ZNF207: variants seen among roughly 807,000 people sequenced by gnomAD.
ZNF207 encodes the protein BUB3-interacting and GLEBS motif-containing protein ZNF207.
ZNF207 carries 24 observed loss-of-function variants against 60.2 expected under a neutral mutation model. The ratio of observed to expected loss-of-function variants is 0.40; its 90% confidence interval spans 0.29 to 0.56. The LOEUF (loss-of-function observed/expected upper bound fraction) is 0.56. Among genes scored for constraint, ZNF207 ranks in the 20% least tolerant of loss-of-function variants. The pLI is 0.49. For missense variants in ZNF207, 452 were observed against 636.6 expected, an observed-to-expected ratio of 0.71 and a Z score of 3.12; for synonymous variants, 236 against 194.7, an observed-to-expected ratio of 1.21 and a Z score of -1.77.
At position 32,360,729 on chromosome 17, in the gene ZNF207, C is replaced by G; in HGVS notation, c.439C>G (p.Leu147Val). Reference sequence around the variant, plus strand: ...TATTCCTCCAATGGCACAGCCAGGACTGCCACCAGTACCAGGAGCACCAGG... The same window carrying G: ...TATTCCTCCAATGGCACAGCCAGGAGTGCCACCAGTACCAGGAGCACCAGG... ...GYIPPMAQPG[L>V]PPVPGAPGMP... The change falls in exon 4 of 12, where the codon CTG becomes GTG. Residue 147 changes from leucine (L) to valine (V), a missense_variant. By Grantham distance (32) the Leu-to-Val change is conservative (BLOSUM62 1). Coordinates refer to ENST00000394670, the MANE Select transcript of ZNF207 (RefSeq NM_001098507.2). The G allele has an allele frequency of 6.2e-7, 1 of 1,614,122 alleles. No homozygotes were observed. The highest frequency in any genetic ancestry group is 1.1e-5 in the South Asian group (1 of 91,052).
chr17:32,360,769 G>A lies in ZNF207; in HGVS notation c.475+4G>A, dbSNP rs746444906. 1.2e-6 allele frequency: 2 copies of A among 1,613,754 alleles called. No individual in the cohort carries two copies. The highest frequency in any genetic ancestry group is 1.7e-6 in the Non-Finnish European group (2 of 1,179,772). Reference sequence around the variant, plus strand: ...GGAGCACCAGGAATGCCTCCAGGTAGCACATAGGATTGCTTAAAATCTAAC... The same window carrying A: ...GGAGCACCAGGAATGCCTCCAGGTAACACATAGGATTGCTTAAAATCTAAC... On this transcript the variant is annotated splice_donor_region_variant and intron_variant, in intron 4 of 11. Coordinates refer to ENST00000394670, the MANE Select transcript of ZNF207 (RefSeq NM_001098507.2).
intron 2 of ZNF207, among the ~76,000 whole-genome samples, chr17:32,356,996 A>G (rs563763856): frequency 6.6e-6 from 1 of 152,172 alleles, no homozygotes; most frequent in Non-Finnish European, 1.5e-5. Context: ...AGCCTGGGGA[A>G]CATAACAAAA....
rs768897220 is a variant in ZNF207, at chr17:32,360,886, T to C, written c.476-6T>C. ...TTATTATTTTGATTGAAATTCTTGCTTGTAGGCATACCTCCATTAATGCCA... is the reference window on the plus strand; with the variant it reads ...TTATTATTTTGATTGAAATTCTTGCCTGTAGGCATACCTCCATTAATGCCA... On this transcript the variant is annotated splice_polypyrimidine_tract_variant and splice_region_variant and intron_variant, in intron 4 of 11. Transcript: ENST00000394670. The C allele has an allele frequency of 4.2e-5, 67 of 1,614,040 alleles. 2 individuals carry two copies. The South Asian group carries it at 4.9e-4, about 12-fold the overall frequency.
chr17:32,361,319 G>T lies in ZNF207; in HGVS notation c.552-149G>T. 2 of 605,598 alleles carry T rather than the reference G, an allele frequency of 3.3e-6. No individual in the cohort carries two copies. Among genetic ancestry groups the T allele is most frequent in the South Asian group, 2.7e-5 (1 of 37,306 alleles). The allele number at this position is 605,598 out of a possible 1,614,324, so 37.5% of individuals were successfully genotyped here. A position where few individuals can be genotyped will look rare whatever the true frequency, so the allele number is the denominator to read the frequency against. ...GAGAAACTCTGTAAATGATTTATTTGTCAAAGCATCAAAACTAAAATGAAT... is the reference window on the plus strand; with the variant it reads ...GAGAAACTCTGTAAATGATTTATTTTTCAAAGCATCAAAACTAAAATGAAT... On this transcript the variant is annotated intron_variant, in intron 5 of 11. Transcript: ENST00000394670.
intron 7 of ZNF207, 115 bp downstream of exon 7, chr17:32,363,099 TC>T (rs1216702680): frequency 5.7e-6 from 5 of 884,712 alleles, no homozygotes; most frequent in Non-Finnish European, 8.4e-6. Flanking sequence ...AGTTGCAAGT[TC>T]CTGTGAGAAG....
At chr17:32,355,581 A>G (rs1359676055) in intron 2 of ZNF207, among the ~76,000 whole-genome samples, 1 of 152,188 alleles carries the variant, frequency 6.6e-6, no homozygotes, top group African/African-American at 2.4e-5. Flanking sequence ...AAAACAGGAG[A>G]TAGAAATTTG....
Position 32,376,514 on chromosome 17 carries a change from T to C in ZNF207, c.*6755T>C, listed in dbSNP as rs1905679604. The C allele has an allele frequency of 6.6e-6, 1 of 152,084 alleles. No individual in the cohort carries two copies. The highest frequency in any genetic ancestry group is 2.1e-4 in the South Asian group (1 of 4,834). The allele number at this position is 152,084 out of a possible 1,614,324, so 9.4% of individuals were successfully genotyped here. On this transcript the variant is annotated 3_prime_UTR_variant, in exon 12 of 12. Transcript: ENST00000394670. The stretch of plus-strand genomic sequence containing the variant: ...CTGAATCATCTCTCTTTAAATCTGT[T>C]CAGTTAGTCTCATGTATTCTCAGGG...
intron 2 of ZNF207, among the ~76,000 whole-genome samples, chr17:32,357,887 C>G (rs1474575465): frequency 6.6e-6 from 1 of 151,988 alleles, no homozygotes; most frequent in Non-Finnish European, 1.5e-5. Flanking sequence ...TCAAGTGATT[C>G]TGCCTCCTCA....
chr17:32,369,223 TA>T lies in ZNF207; in HGVS notation c.1165-71del. 3 of 1,535,492 alleles carry T rather than the reference TA, an allele frequency of 2.0e-6. No homozygotes were observed. The East Asian group carries it at 6.8e-5, about 35-fold the overall frequency. On this transcript the variant is annotated intron_variant, in intron 10 of 11. Transcript: ENST00000394670. The stretch of plus-strand genomic sequence containing the variant: ...AATTACTCTTAACGTTGTAAGATTT[TA>T]GATGCATGCCTTTATGCTTGGTGAG...
chr17:32,368,059 C>T (rs1905283284), intron 10 of ZNF207, 45 bp downstream of exon 10: 1 of 1,607,604 alleles, frequency 6.2e-7, no homozygotes, highest in Non-Finnish European at 8.5e-7. Flanking sequence ...GATTTAAAGC[C>T]ATTATAGCAG....
chr17:32,367,241 A>T lies in ZNF207; in HGVS notation c.921+484A>T, dbSNP rs533649503. Among the ~76,000 whole-genome samples, 13 of 41,562 alleles carry T rather than the reference A, an allele frequency of 3.1e-4. No individual in the cohort carries two copies. The South Asian group carries it at 4.6e-3, about 15-fold the overall frequency. The allele number at this position is 41,562 out of a possible 152,430, so 27.3% of individuals were successfully genotyped here. Reference sequence around the variant, plus strand: ...AGCCATTGTTAATTTGGAGGGGATTATATATATATATATATATATATATAT... The same window carrying T: ...AGCCATTGTTAATTTGGAGGGGATTTTATATATATATATATATATATATAT... On this transcript the variant is annotated intron_variant, in intron 9 of 11. Coordinates refer to ENST00000394670, the MANE Select transcript of ZNF207 (RefSeq NM_001098507.2).
chr17:32,360,183 C>CA (rs1293817139), intron 3 of ZNF207, among the ~76,000 whole-genome samples: 3 of 112,496 alleles, frequency 2.7e-5, no homozygotes, highest in South Asian at 2.8e-4. Context: ...TTTACCCCCC[C>CA]CCCAAAAAAA....
chr17:32,364,354 T>G (rs922212541), intron 7 of ZNF207, among the ~76,000 whole-genome samples: 29 of 126,102 alleles, frequency 2.3e-4, no homozygotes, highest in African/African-American at 7.9e-4. Flanking sequence ...ATTAGTTGTT[T>G]TTTTTTCTTT....
chr17:32,363,811 G>A (rs180825975), intron 7 of ZNF207, among the ~76,000 whole-genome samples: 14 of 152,070 alleles, frequency 9.2e-5, no homozygotes, highest in Non-Finnish European at 2.1e-4. Context: ...GATTACAGGC[G>A]TGAGCCACTG....
chr17:32,366,646 C>T lies in ZNF207; in HGVS notation c.829-19C>T. 6.3e-7 allele frequency: 1 copy of T among 1,581,052 alleles called. No individual in the cohort carries two copies. Among genetic ancestry groups the T allele is most frequent in the Non-Finnish European group, 8.6e-7 (1 of 1,168,412 alleles). On this transcript the variant is annotated intron_variant, in intron 8 of 11. Coordinates refer to ENST00000394670, the MANE Select transcript of ZNF207 (RefSeq NM_001098507.2). ...TTTGTTTGGAGACTTTTCATTGTTTCCTTTCTTTTATGCTACAGATGGGGA... is the reference window on the plus strand; with the variant it reads ...TTTGTTTGGAGACTTTTCATTGTTTTCTTTCTTTTATGCTACAGATGGGGA...
In ZNF207 at chr17:32,381,479, T is replaced by C. The variant is rs907493066; in HGVS notation, c.*11720T>C. 10 of 152,250 alleles carry C rather than the reference T, an allele frequency of 6.6e-5. No individual in the cohort carries two copies. Among genetic ancestry groups the C allele is most frequent in the African/African-American group, 2.4e-4 (10 of 41,466 alleles). The allele number at this position is 152,250 out of a possible 1,614,324, so 9.4% of individuals were successfully genotyped here. On this transcript the variant is annotated 3_prime_UTR_variant, in exon 12 of 12. Coordinates refer to ENST00000394670, the MANE Select transcript of ZNF207 (RefSeq NM_001098507.2). ...TTGATTTGTCACCTGGTTAAATAGC[T>C]GGAAGCTTGTGCAAATGAAAAATGA...
intron 4 of ZNF207, 50 bp downstream of exon 4, chr17:32,360,815 AT>A (rs1904836047): frequency 6.2e-7 from 1 of 1,611,716 alleles, no homozygotes; most frequent in Admixed American, 1.7e-5. Context: ...CATTATTGAT[AT>A]TGTATCGAAG....
At chr17:32,359,823 A>G (rs982244734) in intron 3 of ZNF207, among the ~76,000 whole-genome samples, 1 of 152,086 alleles carries the variant, frequency 6.6e-6, no homozygotes, top group Non-Finnish European at 1.5e-5. Context: ...TCTTGAGCCC[A>G]AGGGGTTGAG....
In ZNF207 at chr17:32,360,186, C is replaced by CCCA. The variant is rs1555606145; in HGVS notation, c.308-412_308-411insCCA. On this transcript the variant is annotated intron_variant, in intron 3 of 11. Coordinates refer to ENST00000394670, the MANE Select transcript of ZNF207 (RefSeq NM_001098507.2). ...CAAGACCTCACCTTTACCCCCCCCCCAAAAAAAAAAAAAAAAAGCCCAGTG... is the reference window on the plus strand; with the variant it reads ...CAAGACCTCACCTTTACCCCCCCCCCCCAAAAAAAAAAAAAAAAAAGCCCAGTG... Among the ~76,000 whole-genome samples the CCCA allele has an allele frequency of 4.6e-3, 241 of 52,240 alleles. 3 individuals are homozygous for CCCA. Among genetic ancestry groups the CCCA allele is most frequent in the Non-Finnish European group, 5.8e-3 (146 of 25,024 alleles). 34.3% of individuals were successfully genotyped at this position (52,240 alleles called of 152,430 possible). A position where few individuals can be genotyped will look rare whatever the true frequency, so the allele number is the denominator to read the frequency against.
Sources: allele counts gnomAD v4.1 joint callset (sites outside exome capture counted in the v4.1 genomes callset), GRCh38; gene constraint gnomAD v4.1.1; transcripts MANE v1.5; gene names NCBI Gene and HGNC (gene_info 2026-07-23, HGNC 2026-07-21).